Variants in MAP4 observed in about 807,000 individuals in gnomAD.
The protein encoded by MAP4 is microtubule-associated protein 4.
A neutral mutation model predicts 170.2 loss-of-function variants in MAP4; 76 were observed. The ratio of observed to expected loss-of-function variants is 0.45; its 90% CI spans 0.37 to 0.54. The LOEUF (loss-of-function observed/expected upper bound fraction) is 0.54, where lower values mean the gene tolerates loss of function less well. Ranked by LOEUF, MAP4 falls within the 20% of genes least tolerant of loss-of-function variation. MAP4 has a pLI of 0.00. For missense variants in MAP4, 2,506 were observed against 2,748.0 expected (o/e 0.91, Z 1.97); for synonymous variants, 909 against 994.5 (o/e 0.91, Z 1.62).
intron 10 of MAP4, among the ~76,000 whole-genome samples, chr3:47,881,424 C>A (rs1173586549): frequency 8.9e-6 from 1 of 112,276 alleles, no homozygotes; most frequent in Non-Finnish European, 1.8e-5. Flanking sequence ...TGCACTCCAG[C>A]CTGGGCAACA....
At chr3:47,972,393 G>A (rs561875055) in intron 3 of MAP4, among the ~76,000 whole-genome samples, 1 of 152,306 alleles carries the variant, frequency 6.6e-6, no homozygotes, top group Admixed American at 6.5e-5. Flanking sequence ...TAAACTAAAT[G>A]TAGTGTTAGA....
chr3:47,935,326 C>G (rs2100052110), intron 3 of MAP4, among the ~76,000 whole-genome samples: 1 of 152,136 alleles, frequency 6.6e-6, no homozygotes, highest in Admixed American at 6.5e-5. Context: ...AGACACACAG[C>G]AAGCAAAATA....
intron 1 of MAP4, among the ~76,000 whole-genome samples, chr3:48,064,856 T>C (rs1340768733): frequency 6.6e-6 from 1 of 152,170 alleles, no homozygotes; most frequent in Non-Finnish European, 1.5e-5. Flanking sequence ...TAAGCATCTG[T>C]GTATCTAAAC....
intron 1 of MAP4, among the ~76,000 whole-genome samples, chr3:48,007,198 G>C (rs1468736803): frequency 2.6e-5 from 4 of 152,196 alleles, no homozygotes; most frequent in Non-Finnish European, 4.4e-5. Context: ...GCATGCCAGA[G>C]GATGAGAAAT....
intron 1 of MAP4, among the ~76,000 whole-genome samples, chr3:48,081,997 A>C (rs149193368): frequency 6.6e-6 from 1 of 152,286 alleles, no homozygotes; most frequent in East Asian, 1.9e-4. Flanking sequence ...TCAAAAGAAC[A>C]TAGGTGCCAA....
At chr3:47,985,900 T>C (rs1237561533) in intron 2 of MAP4, among the ~76,000 whole-genome samples, 1 of 152,220 alleles carries the variant, frequency 6.6e-6, no homozygotes, top group Non-Finnish European at 1.5e-5. Flanking sequence ...TCATCAGCAT[T>C]TAACTTCTGA....
intron 1 of MAP4, among the ~76,000 whole-genome samples, chr3:48,054,838 CA>C (rs1459835153): frequency 2.7e-5 from 4 of 150,638 alleles, no homozygotes; most frequent in African/African-American, 9.7e-5. Context: ...AAAGCCCCAA[CA>C]AAAGTCAGTC....
intron 3 of MAP4, among the ~76,000 whole-genome samples, chr3:47,950,340 A>G (rs1203549893): frequency 6.6e-6 from 1 of 152,202 alleles, no homozygotes; most frequent in Non-Finnish European, 1.5e-5. Context: ...ATCTCAGAGG[A>G]CGGACTTAAA....
chr3:48,062,073 G>C (rs985489497), intron 1 of MAP4, among the ~76,000 whole-genome samples: 8 of 152,218 alleles, frequency 5.3e-5, no homozygotes, highest in African/African-American at 1.7e-4. Context: ...GAAATGTGGG[G>C]AGAAGATGGA....
At chr3:47,858,487 A>G (rs937738580) in intron 17 of MAP4, among the ~76,000 whole-genome samples, 3 of 152,016 alleles carry the variant, frequency 2.0e-5, no homozygotes, top group African/African-American at 7.3e-5. Context: ...ATTCCATCTC[A>G]AATCCTTACC....
chr3:47,886,291 A>C (rs1021072149), intron 10 of MAP4, among the ~76,000 whole-genome samples: 3 of 152,072 alleles, frequency 2.0e-5, no homozygotes, highest in Non-Finnish European at 4.4e-5. Flanking sequence ...TGGATATATA[A>C]GGCAACTTCT....
intron 1 of MAP4, among the ~76,000 whole-genome samples, chr3:48,087,401 A>G (rs2100149635): frequency 6.6e-6 from 1 of 152,092 alleles, no homozygotes; most frequent in Non-Finnish European, 1.5e-5. Flanking sequence ...TTGATTTATA[A>G]AAATAGCTGC....
chr3:47,898,363 G>A (rs1305865012), intron 10 of MAP4, among the ~76,000 whole-genome samples: 1 of 152,040 alleles, frequency 6.6e-6, no homozygotes, highest in Non-Finnish European at 1.5e-5. Flanking sequence ...TTAGCTGGGC[G>A]TGGTGGCACG....
At chr3:48,053,905 TAGA>T (rs1351244963) in intron 1 of MAP4, among the ~76,000 whole-genome samples, 7 of 152,240 alleles carry the variant, frequency 4.6e-5, no homozygotes, top group Non-Finnish European at 8.8e-5. Flanking sequence ...AGGAAATGTC[TAGA>T]AGAATATATA....
chr3:47,900,555 G>C (rs1252359830), intron 10 of MAP4, among the ~76,000 whole-genome samples: 1 of 152,078 alleles, frequency 6.6e-6, no homozygotes, highest in Non-Finnish European at 1.5e-5. Flanking sequence ...GGCCAACATG[G>C]TGAAACCCTG....
chr3:48,069,940 CT>C (rs2100140160), intron 1 of MAP4, among the ~76,000 whole-genome samples: 1 of 152,000 alleles, frequency 6.6e-6, no homozygotes, highest in Non-Finnish European at 1.5e-5. Flanking sequence ...GAGATTATCC[CT>C]TTTTTTAACC....
intron 3 of MAP4, among the ~76,000 whole-genome samples, chr3:47,969,364 C>A (rs905216975): frequency 6.6e-6 from 1 of 151,650 alleles, no homozygotes; most frequent in Non-Finnish European, 1.5e-5. Flanking sequence ...CAAGATCACG[C>A]CATTGCACTC....
intron 1 of MAP4, among the ~76,000 whole-genome samples, chr3:48,056,506 C>A (rs1483500229): frequency 7.1e-4 from 33 of 46,662 alleles, no homozygotes; most frequent in African/African-American, 3.5e-3. Flanking sequence ...TCAGCCCTCC[C>A]CCCGGCCAGC....
At chr3:47,873,969 G>A (rs1480321907) in intron 12 of MAP4, among the ~76,000 whole-genome samples, 1 of 152,142 alleles carries the variant, frequency 6.6e-6, no homozygotes, top group Non-Finnish European at 1.5e-5. Flanking sequence ...TGCCAGAATC[G>A]TAATCTACTT....
Sources: gnomAD v4.1 joint callset for allele counts (sites outside exome capture counted in the v4.1 genomes callset) on GRCh38, gnomAD v4.1.1 for gene constraint, MANE v1.5 for transcripts, NCBI Gene and HGNC (gene_info 2026-07-23, HGNC 2026-07-21) for gene names.